The following CAPN1 variants were observed in gnomAD, a reference collection of about 807,000 sequenced individuals.
CAPN1 encodes the protein calpain-1 catalytic subunit.
Under a neutral mutation model 105.2 loss-of-function variants are expected in CAPN1, and 77 were observed. The observed-to-expected ratio is 0.73, with a 90% CI of 0.61 to 0.88. The LOEUF is 0.88. Ranked by LOEUF, CAPN1 falls within the 40% of genes least tolerant of loss-of-function variation. The probability of loss-of-function intolerance (pLI) is 0.00; values close to 1 mark genes in which losing one functional copy is unlikely to be tolerated. For missense variants in CAPN1, 833 were observed against 976.6 expected (o/e 0.85, Z 1.96); for synonymous variants, 355 against 388.8 (o/e 0.91, Z 1.02).
rs534756892 is a variant in CAPN1 at position 65,208,779 on chromosome 11, CA to C, written c.1729+527del. The C allele has an allele frequency of 0.013, 2,542 of 195,848 alleles. No homozygotes were observed. Among genetic ancestry groups the C allele is most frequent in the South Asian group, 0.03 (341 of 11,424 alleles). 12.1% of individuals were successfully genotyped at this position (195,848 alleles called of 1,614,324 possible). The stretch of plus-strand genomic sequence containing the variant: ...TGGGCAACAGAGCAAGACCCTGTCT[CA>C]AAAAAAAAAGCAGGAGCAGCACCTT... On this transcript the variant is annotated intron_variant, in intron 16 of 21. Coordinates refer to ENST00000279247, the MANE Select transcript of CAPN1 (RefSeq NM_005186.4). This position sits in a 1 kb window ranked among gnomAD's most constrained non-coding sequence, Gnocchi z 4.1.
rs759250961 is a variant in CAPN1, at chr11:65,208,258, C to G, written c.1725C>G (p.Ser575Arg). 82 of 1,563,660 alleles carry G rather than the reference C, an allele frequency of 5.2e-5. No homozygotes were observed. The highest frequency in any genetic ancestry group is 7.0e-5 in the Non-Finnish European group (81 of 1,154,018). ...ELRTILNRII[S>R]KHKDLRTKGF... ...GGACAATCCTCAATAGGATCATCAGCAAACGTGAGTCCCCGCGGGGCTGTC... is the reference window on the plus strand; with the variant it reads ...GGACAATCCTCAATAGGATCATCAGGAAACGTGAGTCCCCGCGGGGCTGTC... Residue 575 changes from serine to arginine, a missense_variant, in exon 16 of 22, where the codon AGC (serine) becomes AGG (arginine). Ser to Arg is a moderately radical substitution (Grantham distance 110). Transcript: ENST00000279247. The surrounding 1 kb of genome is among the most constrained non-coding windows in gnomAD (Gnocchi z 4.1).
intron 10 of CAPN1, among the ~76,000 whole-genome samples, chr11:65,191,200 C>T (rs1371269160): frequency 6.6e-6 from 1 of 152,130 alleles, no homozygotes; most frequent in African/African-American, 2.4e-5. Context: ...CCTTTAATGT[C>T]TTTCAATAGA....
chr11:65,204,760 T>G lies in CAPN1; in HGVS notation c.1243T>G (p.Ser415Ala), dbSNP rs780574909. 4.4e-5 allele frequency: 71 copies of G among 1,612,852 alleles called. No homozygotes were observed. The highest frequency in any genetic ancestry group is 5.8e-5 in the Non-Finnish European group (68 of 1,179,848). The change falls in exon 11 of 22, where the codon TCA becomes GCA. Residue 415 changes from serine to alanine, a missense_variant. Transcript: ENST00000279247. ...CCCGGACGACTACGGGGACCGCGAG[T>G]CAGGCTGCAGCTTCGTGCTCGCCCT... ...DDPDDYGDRE[S>A]GCSFVLALMQ...
chr11:65,204,900 G>C lies in CAPN1; in HGVS notation c.1341+42G>C, dbSNP rs773289680. 2.6e-6 allele frequency: 4 copies of C among 1,556,488 alleles called. 1 individual carries two copies. In the South Asian group the frequency reaches 4.5e-5, roughly 17 times the overall value. On this transcript the variant is annotated intron_variant, in intron 11 of 21. Coordinates refer to ENST00000279247, the MANE Select transcript of CAPN1 (RefSeq NM_005186.4). ...ACCGGTGGATCTCACTGAGCAGGCA[G>C]AGGACCTGGCGCCCCCGACCCGCAG... is the stretch of plus-strand genomic sequence containing the variant.
At chr11:65,205,888 T>C in intron 12 of CAPN1, 167 bp downstream of exon 12, 5 of 672,040 alleles carry the variant, frequency 7.4e-6, no homozygotes, top group Non-Finnish European at 1.3e-5. Flanking sequence ...CAAACATTGC[T>C]CTCCTGAGGG....
chr11:65,209,204 A>T lies in CAPN1; in HGVS notation c.1730-119A>T. 2 of 730,724 alleles carry T rather than the reference A, an allele frequency of 2.7e-6. No homozygotes were observed. The highest frequency in any genetic ancestry group is 4.9e-6 in the Non-Finnish European group (2 of 405,080). 45.3% of individuals were successfully genotyped at this position (730,724 alleles called of 1,614,324 possible). A position where few individuals can be genotyped will look rare whatever the true frequency, so the allele number is the denominator to read the frequency against. ...CAATCCTGCCCACTTCCTCTGCCAG[A>T]TATTGCACCCACTCGTCAGGATTTG... On this transcript the variant is annotated intron_variant, in intron 16 of 21. Transcript: ENST00000279247. This position sits in a 1 kb window ranked among gnomAD's most constrained non-coding sequence, Gnocchi z 4.1.
chr11:65,183,467 G>T lies in CAPN1; in HGVS notation c.338-7G>T. 6.2e-7 allele frequency: 1 copy of T among 1,604,448 alleles called. No individual in the cohort carries two copies. On this transcript the variant is annotated splice_region_variant and splice_polypyrimidine_tract_variant and intron_variant, in intron 3 of 21. Coordinates refer to ENST00000279247, the MANE Select transcript of CAPN1 (RefSeq NM_005186.4). ...GAGCAGGCTAATGTGCATCCCTCCTGCCCCAGGGGACTGCTGGCTCTTGGC... is the reference window on the plus strand; with the variant it reads ...GAGCAGGCTAATGTGCATCCCTCCTTCCCCAGGGGACTGCTGGCTCTTGGC...
upstream of CAPN1, chr11:65,181,646 C>T (rs751473451): frequency 1.4e-4 from 51 of 373,212 alleles, no homozygotes; most frequent in South Asian, 5.8e-4. This position sits in a 1 kb window ranked among gnomAD's most constrained non-coding sequence, Gnocchi z 4.6. Flanking sequence ...CCGTTCCCCG[C>T]GGTGCCCTTC....
At chr11:65,207,809 A>G (rs1262454339) in intron 14 of CAPN1, among the ~76,000 whole-genome samples, 1 of 152,144 alleles carries the variant, frequency 6.6e-6, no homozygotes, top group Non-Finnish European at 1.5e-5. Context: ...GCTACTCAGG[A>G]GGCTGAGGCA....
chr11:65,204,222 C>T (rs1019262579), intron 10 of CAPN1, among the ~76,000 whole-genome samples: 5 of 152,212 alleles, frequency 3.3e-5, no homozygotes, highest in Non-Finnish European at 7.3e-5. Flanking sequence ...CGCCCTAGTC[C>T]CTGGCCGGCT....
intron 14 of CAPN1, 130 bp from the exon 15 acceptor site, chr11:65,207,924 GA>G (rs1948985634): frequency 7.7e-6 from 5 of 645,598 alleles, no homozygotes; most frequent in Non-Finnish European, 1.3e-5. Flanking sequence ...AAAAAGAAAA[GA>G]AAAGAAAAGT....
chr11:65,187,699 C>T (rs1355214716), intron 7 of CAPN1: 6 of 454,100 alleles, frequency 1.3e-5, no homozygotes, highest in Non-Finnish European at 2.4e-5. Flanking sequence ...CCAGCCTGGC[C>T]AACATGGTGA....
chr11:65,196,421 A>G (rs183771324), intron 10 of CAPN1, among the ~76,000 whole-genome samples: 18 of 152,170 alleles, frequency 1.2e-4, no homozygotes, highest in African/African-American at 4.3e-4. Flanking sequence ...AACGTATACA[A>G]TGTGTAATGA....
intron 14 of CAPN1, 121 bp from the exon 15 acceptor site, chr11:65,207,930 AAAAG>A: frequency 1.8e-6 from 1 of 560,728 alleles, no homozygotes; most frequent in Non-Finnish European, 3.1e-6. Context: ...AAAAGAAAAG[AAAAG>A]TGAGGCTCAG....
At chr11:65,184,064 A>G (rs1484341692) in intron 4 of CAPN1, among the ~76,000 whole-genome samples, 1 of 152,100 alleles carries the variant, frequency 6.6e-6, no homozygotes, top group Non-Finnish European at 1.5e-5. Flanking sequence ...GCTTTTCCTG[A>G]CGGTGTGCCC....
Position 65,196,850 on chromosome 11 carries a change from C to T in CAPN1, c.1166-7833C>T, listed in dbSNP as rs17883601. On this transcript the variant is annotated intron_variant, in intron 10 of 21. Coordinates refer to ENST00000279247, the MANE Select transcript of CAPN1 (RefSeq NM_005186.4). ...GTGAACAGAAGCTGGTGCTATGGCTCAGTGTATGATGAATTTTCATAAAGG... is the reference window on the plus strand; with the variant it reads ...GTGAACAGAAGCTGGTGCTATGGCTTAGTGTATGATGAATTTTCATAAAGG... 6.9e-3 allele frequency among the ~76,000 whole-genome samples: 1,056 copies of T among 152,246 alleles called. 13 individuals carry two copies. The highest frequency in any genetic ancestry group is 0.024 in the African/African-American group (995 of 41,536).
intron 7 of CAPN1, chr11:65,187,586 G>T: frequency 1.9e-6 from 1 of 515,564 alleles, no homozygotes; most frequent in Non-Finnish European, 3.5e-6. Context: ...GGGAGGCGGA[G>T]TGTTAAAGTG....
In CAPN1 at chr11:65,183,454, G is replaced by T; in HGVS notation, c.338-20G>T. ...GGGCAGGTTGGTAGAGCAGGCTAAT[G>T]TGCATCCCTCCTGCCCCAGGGGACT... On this transcript the variant is annotated intron_variant, in intron 3 of 21. Coordinates refer to ENST00000279247, the MANE Select transcript of CAPN1 (RefSeq NM_005186.4). 1 of 1,569,592 alleles carries T rather than the reference G, an allele frequency of 6.4e-7. No homozygotes were observed. Among genetic ancestry groups the T allele is most frequent in the Non-Finnish European group, 8.8e-7 (1 of 1,139,668 alleles).
Position 65,211,230 on chromosome 11 carries a change from GC to G in CAPN1, c.2119-26del, listed in dbSNP as rs761881869. The G allele has an allele frequency of 4.4e-5, 71 of 1,611,748 alleles. No homozygotes were observed. The African/African-American group carries it at 7.5e-4, about 17-fold the overall frequency. On this transcript the variant is annotated intron_variant, in intron 21 of 21. Coordinates refer to ENST00000279247, the MANE Select transcript of CAPN1 (RefSeq NM_005186.4). ...AAGAAGCCAGGGAGCCATTTCTGCGGCCCCAGCTGACCTGCCTGTTCTCCCG... is the reference window on the plus strand; with the variant it reads ...AAGAAGCCAGGGAGCCATTTCTGCGGCCCAGCTGACCTGCCTGTTCTCCCG...
Sources: allele counts gnomAD v4.1 joint callset (sites outside exome capture counted in the v4.1 genomes callset), GRCh38; gene constraint gnomAD v4.1.1; non-coding constraint Gnocchi (gnomAD v3.1); transcripts MANE v1.5; gene names NCBI Gene and HGNC (gene_info 2026-07-23, HGNC 2026-07-21).